DCAF4: variants seen among roughly 807,000 people sequenced by gnomAD.
DCAF4 encodes the protein DDB1- and CUL4-associated factor 4.
DCAF4 carries 37 observed loss-of-function variants against 60.9 expected under a neutral mutation model. The observed-to-expected ratio is 0.61, with a 90% CI of 0.47 to 0.80. The LOEUF (loss-of-function observed/expected upper bound fraction) is 0.80, where lower values mean the gene tolerates loss of function less well. Among genes scored for constraint, DCAF4 ranks in the 30% least tolerant of loss-of-function variants. DCAF4 has a pLI of 0.00. For missense variants in DCAF4, 577 were observed against 650.0 expected (o/e 0.89, Z 1.22); for synonymous variants, 243 against 254.8 (o/e 0.95, Z 0.44).
intron 6 of DCAF4, among the ~76,000 whole-genome samples, chr14:72,945,114 G>A (rs1168987310): frequency 1.3e-5 from 2 of 148,978 alleles, no homozygotes; most frequent in Non-Finnish European, 3.0e-5. Context: ...CATCCTGAGC[G>A]AGGCATGGTG....
chr14:72,953,782 T>TTGTGTGTG (rs149574612), intron 9 of DCAF4, among the ~76,000 whole-genome samples: 21 of 41,120 alleles, frequency 5.1e-4, no homozygotes, highest in East Asian at 2.0e-3. Flanking sequence ...ATTTATTTAT[T>TTGTGTGTG]TGTGTGTGTG....
chr14:72,954,108 G>T, intron 9 of DCAF4, 56 bp from the exon 10 acceptor site: 2 of 1,587,212 alleles, frequency 1.3e-6, no homozygotes, highest in African/African-American at 1.3e-5. Flanking sequence ...GAACCCAGTG[G>T]TCCCTGGCCT....
chr14:72,941,284 G>A (rs1446575438), intron 4 of DCAF4, among the ~76,000 whole-genome samples: 1 of 152,224 alleles, frequency 6.6e-6, no homozygotes, highest in Non-Finnish European at 1.5e-5. Context: ...ATTTTAAATA[G>A]AAGACCAGGA....
rs58637962 is a variant in DCAF4 at position 72,954,643 on chromosome 14, G to A, written c.1005+160G>A. Among the ~76,000 whole-genome samples the A allele has an allele frequency of 0.023, 3,449 of 152,222 alleles. 132 individuals are homozygous for A. The highest frequency in any genetic ancestry group is 0.08 in the African/African-American group (3,302 of 41,516). On this transcript the variant is annotated intron_variant, in intron 11 of 13. Coordinates refer to ENST00000358377, the MANE Select transcript of DCAF4 (RefSeq NM_015604.4). ...GTTCCTTTGTAAGGGTGTCTGAGCC[G>A]AGTGAAAGTTGGTTGATCCAGAAAG... is the stretch of plus-strand genomic sequence containing the variant.
chr14:72,944,163 T>C (rs1170878373), intron 6 of DCAF4, among the ~76,000 whole-genome samples: 1 of 152,146 alleles, frequency 6.6e-6, no homozygotes, highest in Non-Finnish European at 1.5e-5. Context: ...ACCCTCATGC[T>C]TCCTCTCTCC....
At chr14:72,946,612 G>A (rs1023347583) in intron 7 of DCAF4, among the ~76,000 whole-genome samples, 5 of 152,278 alleles carry the variant, frequency 3.3e-5, no homozygotes, top group South Asian at 4.2e-4. Flanking sequence ...GGAAATGGGC[G>A]ACAGTGACTG....
At chr14:72,958,508 T>C (rs1892581743) in intron 13 of DCAF4, 104 bp from the exon 14 acceptor site, 12 of 1,375,236 alleles carry the variant, frequency 8.7e-6, no homozygotes, top group Non-Finnish European at 1.2e-5. Flanking sequence ...TTGGCTCACA[T>C]GAAATCACAG....
chr14:72,955,486 A>G (rs746498247), intron 11 of DCAF4, 37 bp from the exon 12 acceptor site: 5 of 1,602,482 alleles, frequency 3.1e-6, no homozygotes, highest in Admixed American at 1.7e-5. Flanking sequence ...GAGGGATGTC[A>G]TGATAGCCAG....
intron 1 of DCAF4, among the ~76,000 whole-genome samples, chr14:72,927,444 G>C (rs1254865713): frequency 2.8e-5 from 4 of 144,454 alleles, no homozygotes; most frequent in African/African-American, 7.8e-5. Flanking sequence ...CTCCGCCCCC[G>C]GGGTTCACGC....
At position 72,945,764 on chromosome 14, in the gene DCAF4, GA is replaced by G; in HGVS notation, c.535-118del. The G allele has an allele frequency of 4.5e-6, 6 of 1,335,446 alleles. No individual in the cohort carries two copies. In the South Asian group the frequency reaches 8.1e-5, roughly 18 times the overall value. 82.7% of individuals were successfully genotyped at this position (1,335,446 alleles called of 1,614,324 possible). ...CATCTCCACTCTCGCTCATGGAGAG[GA>G]ACTCTCACCTAGTGAAAATGCACAG... On this transcript the variant is annotated intron_variant, in intron 6 of 13. Coordinates refer to ENST00000358377, the MANE Select transcript of DCAF4 (RefSeq NM_015604.4).
rs1016719193 is a variant in DCAF4 at position 72,955,531 on chromosome 14, G to T, written c.1014G>T (p.Leu338=). Reference sequence around the variant, plus strand: ...AGTCCCTCTTTCCACAGGCTCCTCTGCTGTTTAATGGCTGCCGCTCTGGGG... The same window carrying T: ...AGTCCCTCTTTCCACAGGCTCCTCTTCTGTTTAATGGCTGCCGCTCTGGGG... ...LAQQFALMAP[L]LFNGCRSGEI... Residue 338 remains leucine, a synonymous_variant, in exon 12 of 14, where the codon CTG becomes CTT. Coordinates refer to ENST00000358377, the MANE Select transcript of DCAF4 (RefSeq NM_015604.4). The T allele has an allele frequency of 4.3e-6, 7 of 1,613,694 alleles. No individual in the cohort carries two copies. Among genetic ancestry groups the T allele is most frequent in the Non-Finnish European group, 4.2e-6 (5 of 1,179,802 alleles).
chr14:72,949,282 C>CA (rs1361982191), intron 8 of DCAF4, among the ~76,000 whole-genome samples: 3 of 151,750 alleles, frequency 2.0e-5, no homozygotes, highest in Non-Finnish European at 2.9e-5. Context: ...GACCTCTCTA[C>CA]AAAAAAAATA....
chr14:72,938,755 A>G (rs191914437), intron 2 of DCAF4, among the ~76,000 whole-genome samples: 101 of 151,994 alleles, frequency 6.6e-4, no homozygotes, highest in Admixed American at 6.5e-3. Context: ...ATTTTTTTTT[A>G]AATGGTATAC....
At chr14:72,955,473 TC>T (rs1224212910) in intron 11 of DCAF4, 49 bp from the exon 12 acceptor site, 8 of 1,592,706 alleles carry the variant, frequency 5.0e-6, no homozygotes, top group Non-Finnish European at 6.8e-6. Context: ...CTGCCCAGCC[TC>T]AGAGGGATGT....
chr14:72,940,589 T>TA, intron 4 of DCAF4: 2 of 273,324 alleles, frequency 7.3e-6, no homozygotes, highest in Non-Finnish European at 1.2e-5. Flanking sequence ...GTTCGATAAG[T>TA]TGTTTTTTTT....
At chr14:72,929,877 G>T (rs1268122043) in intron 1 of DCAF4, 2 of 1,473,668 alleles carry the variant, frequency 1.4e-6, no homozygotes, top group Non-Finnish European at 9.3e-7. Context: ...TCACGTTCTT[G>T]GTCACCTTGT....
chr14:72,957,725 C>G (rs565443817), intron 13 of DCAF4: 1 of 152,314 alleles, frequency 6.6e-6, no homozygotes, highest in East Asian at 1.9e-4. Context: ...GCCAAGATAG[C>G]ACTTCTGGTC....
Position 72,956,470 on chromosome 14 carries a change from G to T in DCAF4, c.1264G>T (p.Val422Leu). The stretch of plus-strand genomic sequence containing the variant: ...TGAGTACGCCTACCTGCCCCTGCAT[G>T]TGCACGAGGAAGAAGGAATCCTGGT... The part of the protein sequence containing the change: ...VNEYAYLPLH[V>L]HEEEGILVAV... Residue 422 changes from valine (V) to leucine (L), a missense_variant, in exon 13 of 14, where the codon GTG becomes TTG. Transcript: ENST00000358377. 6.2e-7 allele frequency: 1 copy of T among 1,613,338 alleles called. No homozygotes were observed. Among genetic ancestry groups the T allele is most frequent in the South Asian group, 1.1e-5 (1 of 90,896 alleles).
At chr14:72,928,260 C>G (rs1887942056) in intron 1 of DCAF4, among the ~76,000 whole-genome samples, 3 of 137,746 alleles carry the variant, frequency 2.2e-5, no homozygotes, top group Admixed American at 1.6e-4. Flanking sequence ...GTGGCGCGAT[C>G]TCGGCTCACC....
Sources: gnomAD v4.1 joint callset for allele counts (sites outside exome capture counted in the v4.1 genomes callset) on GRCh38, gnomAD v4.1.1 for gene constraint, MANE v1.5 for transcripts, NCBI Gene and HGNC (gene_info 2026-07-23, HGNC 2026-07-21) for gene names.